Variants in NELL2 observed in about 807,000 individuals in gnomAD.
The protein encoded by NELL2 is protein kinase C-binding protein NELL2.
In NELL2, 41 loss-of-function variants were observed where a neutral mutation model predicts 109.6. The observed-to-expected ratio is 0.37, with a 90% CI of 0.29 to 0.49. The LOEUF is 0.49. Ranked by LOEUF, NELL2 falls within the 20% of genes least tolerant of loss-of-function variation. The pLI is 0.98. For synonymous variants in NELL2, 355 were observed against 344.7 expected, an observed-to-expected ratio of 1.03 and a Z score of -0.33; for missense variants, 900 against 1,008.3, an observed-to-expected ratio of 0.89 and a Z score of 1.45.
intron 3 of NELL2, among the ~76,000 whole-genome samples, chr12:44,783,533 C>A (rs191681477): frequency 5.1e-4 from 78 of 151,850 alleles, no homozygotes; most frequent in African/African-American, 1.8e-3. Context: ...ACAGACCCTG[C>A]AGATATTGAA....
intron 2 of NELL2, among the ~76,000 whole-genome samples, chr12:44,821,724 A>T (rs1943548626): frequency 6.9e-6 from 1 of 145,628 alleles, no homozygotes; most frequent in African/African-American, 2.5e-5. Flanking sequence ...TTCAGAATTA[A>T]TTTTTTTTTT....
At chr12:44,523,671 T>C (rs948486808) in intron 16 of NELL2, 187 bp from the exon 17 acceptor site, 13 of 583,352 alleles carry the variant, frequency 2.2e-5, no homozygotes, top group Middle Eastern at 4.4e-4. Flanking sequence ...CACAGGAAAA[T>C]ATTATCATGT....
intron 2 of NELL2, among the ~76,000 whole-genome samples, chr12:44,828,130 C>T (rs975287247): frequency 2.6e-5 from 4 of 152,090 alleles, no homozygotes; most frequent in African/African-American, 9.7e-5. Context: ...AATGTCTATT[C>T]AGATCTTTTG....
intron 9 of NELL2, among the ~76,000 whole-genome samples, chr12:44,725,614 T>C (rs57254647): frequency 0.075 from 11,433 of 152,158 alleles, 1,392 homozygotes; most frequent in African/African-American, 0.26. Flanking sequence ...AAATGCCCAT[T>C]AATGACAGAC....
chr12:44,559,155 C>T (rs1943373627), intron 15 of NELL2, among the ~76,000 whole-genome samples: 1 of 152,134 alleles, frequency 6.6e-6, no homozygotes, highest in Admixed American at 6.5e-5. Flanking sequence ...GCCAGGCATG[C>T]CTTACAAGAG....
At chr12:44,560,183 G>A (rs1416569152) in intron 15 of NELL2, among the ~76,000 whole-genome samples, 3 of 152,052 alleles carry the variant, frequency 2.0e-5, no homozygotes, top group African/African-American at 4.8e-5. Context: ...AAGCATTGTT[G>A]AGACGGAAAT....
intron 15 of NELL2, among the ~76,000 whole-genome samples, chr12:44,564,237 T>G (rs1276364076): frequency 6.6e-6 from 1 of 152,148 alleles, no homozygotes; most frequent in Non-Finnish European, 1.5e-5. Flanking sequence ...TTTGGGTGAA[T>G]TGCACCTACA....
chr12:44,595,270 G>T (rs1944911966), intron 15 of NELL2, among the ~76,000 whole-genome samples: 1 of 152,096 alleles, frequency 6.6e-6, no homozygotes, highest in Non-Finnish European at 1.5e-5. Flanking sequence ...GGCTGGAGTT[G>T]TCCCTTTTAA....
intron 1 of NELL2, among the ~76,000 whole-genome samples, chr12:44,900,772 C>G (rs528905185): frequency 1.3e-5 from 2 of 152,160 alleles, no homozygotes; most frequent in Non-Finnish European, 2.9e-5. Flanking sequence ...AGGTGGATCA[C>G]AAGGTCAAGA....
rs201334723 is a variant in NELL2 at position 44,774,759 on chromosome 12, T to C, written c.982A>G (p.Lys328Glu). Residue 328 changes from lysine to glutamate, a missense_variant, in exon 9 of 20, where the codon AAG becomes GAG. Physicochemically the swap from Lys to Glu is moderately conservative, Grantham distance 56. Coordinates refer to ENST00000429094, the MANE Select transcript of NELL2 (RefSeq NM_001145108.2). ...AAGTTATGCTCACATTTGCATTCCT[T>C]ACAGCATTTGCCATCCACATACGCA... ...ALAYVDGKCC[K>E]ECKSICQFQG... The C allele has an allele frequency of 3.4e-4, 550 of 1,613,608 alleles. No homozygotes were observed. Among genetic ancestry groups the C allele is most frequent in the Non-Finnish European group, 4.5e-4 (533 of 1,179,588 alleles).
chr12:44,611,217 A>G (rs1238475174), intron 13 of NELL2, among the ~76,000 whole-genome samples: 1 of 152,094 alleles, frequency 6.6e-6, no homozygotes, highest in African/African-American at 2.4e-5. Flanking sequence ...GTTGCAAGAA[A>G]TAGAGAGGGG....
intron 3 of NELL2, among the ~76,000 whole-genome samples, chr12:44,795,128 T>C (rs1266131630): frequency 6.6e-6 from 1 of 152,170 alleles, no homozygotes; most frequent in Non-Finnish European, 1.5e-5. Flanking sequence ...TCATGTCTCA[T>C]ATGACAAAAA....
intron 1 of NELL2, 165 bp downstream of exon 1, chr12:44,875,650 A>T (rs1170986550): frequency 1.3e-6 from 2 of 1,582,720 alleles, no homozygotes; most frequent in Non-Finnish European, 1.7e-6. Context: ...CTCCAAGGCA[A>T]GCACAGAAAA....
At chr12:44,833,126 T>C (rs1289703010) in intron 2 of NELL2, among the ~76,000 whole-genome samples, 1 of 152,226 alleles carries the variant, frequency 6.6e-6, no homozygotes, top group Non-Finnish European at 1.5e-5. Context: ...TTCAGAACAC[T>C]TAACAAATAA....
intron 15 of NELL2, among the ~76,000 whole-genome samples, chr12:44,553,266 T>TAAC (rs35750450): frequency 0.52 from 71,989 of 139,238 alleles, 19,251 homozygotes; most frequent in East Asian, 0.71. Flanking sequence ...ACTTAAAGTA[T>TAAC]AATAATAATA....
chr12:44,910,756 A>C (rs7302935), intron 1 of NELL2, among the ~76,000 whole-genome samples: 1 of 151,882 alleles, frequency 6.6e-6, no homozygotes, highest in South Asian at 2.1e-4. Flanking sequence ...GTACATATAT[A>C]TGTGGAATAC....
At chr12:44,548,631 G>A (rs1393318283) in intron 15 of NELL2, among the ~76,000 whole-genome samples, 1 of 150,998 alleles carries the variant, frequency 6.6e-6, no homozygotes, top group African/African-American at 2.4e-5. Flanking sequence ...GTTTTTTTTG[G>A]TTGTTCAAAG....
At chr12:44,862,078 T>G (rs1288911600) in intron 2 of NELL2, among the ~76,000 whole-genome samples, 1 of 152,210 alleles carries the variant, frequency 6.6e-6, no homozygotes, top group Non-Finnish European at 1.5e-5. Flanking sequence ...ATTGTTTTAA[T>G]GAAGCTCAGA....
chr12:44,714,055 G>T (rs190073954), intron 10 of NELL2, among the ~76,000 whole-genome samples: 25 of 151,848 alleles, frequency 1.6e-4, no homozygotes, highest in African/African-American at 6.0e-4. Flanking sequence ...ATTTACAAAA[G>T]ACAAACATGA....
Sources: allele counts gnomAD v4.1 joint callset (sites outside exome capture counted in the v4.1 genomes callset), GRCh38; gene constraint gnomAD v4.1.1; transcripts MANE v1.5; gene names NCBI Gene and HGNC (gene_info 2026-07-23, HGNC 2026-07-21).